Variants in MED13L observed in about 807,000 individuals in gnomAD.
The protein encoded by MED13L is mediator complex subunit 13L, also known as mediator of RNA polymerase II transcription subunit 13-like.
A neutral mutation model predicts 220.9 loss-of-function variants in MED13L; 7 were observed. The observed-to-expected ratio is 0.03, with a 90% CI of 0.02 to 0.06. The LOEUF (loss-of-function observed/expected upper bound fraction) is 0.06. MED13L is among the 10% of genes least tolerant of loss of function. The pLI is 1.00. For synonymous variants in MED13L, 1,011 were observed against 1,015.2 expected (o/e 1.00, Z 0.08); for missense variants, 1,965 against 2,760.5 (o/e 0.71, Z 6.46).
At chr12:116,211,967 TA>T (rs1882724999) in intron 2 of MED13L, among the ~76,000 whole-genome samples, 1 of 152,176 alleles carries the variant, frequency 6.6e-6, no homozygotes, top group Admixed American at 6.5e-5. Context: ...ACTATTAAAA[TA>T]AGTTGAAATA....
At chr12:116,186,859 T>C (rs1880935301) in intron 2 of MED13L, among the ~76,000 whole-genome samples, 1 of 152,292 alleles carries the variant, frequency 6.6e-6, no homozygotes, top group South Asian at 2.1e-4. Flanking sequence ...ACCACTGTTG[T>C]TCCTCTCAAC....
rs1187263695 is a variant in MED13L at position 116,004,856 on chromosome 12, C to A, written c.2469+1013G>T. 2.0e-5 allele frequency among the ~76,000 whole-genome samples: 3 copies of A among 152,042 alleles called. No individual in the cohort carries two copies. In the East Asian group the frequency reaches 5.8e-4, roughly 29 times the overall value. On this transcript the variant is annotated intron_variant, in intron 13 of 30. Transcript: ENST00000281928. ...AAAGTTTGGGCTTTAGAAATGTTTC[C>A]TACTTAACTTTCAAGCCTTAACTTA...
chr12:116,019,661 G>T lies in MED13L; in HGVS notation c.820+117C>A, dbSNP rs534196954. ...CTCAGTACATACCATTGTGTCAAGAGAATTTCTTTAAAAAGATGGGTATGG... is the reference window on the plus strand; with the variant it reads ...CTCAGTACATACCATTGTGTCAAGATAATTTCTTTAAAAAGATGGGTATGG... On this transcript the variant is annotated intron_variant, in intron 6 of 30. Transcript: ENST00000281928. 149 of 1,295,818 alleles carry T rather than the reference G, an allele frequency of 1.1e-4. No individual in the cohort carries two copies. In the African/African-American group the frequency reaches 1.8e-3, roughly 16 times the overall value. 80.3% of individuals were successfully genotyped at this position (1,295,818 alleles called of 1,614,324 possible).
At chr12:115,968,261 C>T (rs1245020553) in intron 28 of MED13L, among the ~76,000 whole-genome samples, 1 of 152,108 alleles carries the variant, frequency 6.6e-6, no homozygotes, top group Non-Finnish European at 1.5e-5. Flanking sequence ...AGCAAAGTTA[C>T]CACAAGCTGT....
chr12:116,060,461 C>T (rs1350756944), intron 4 of MED13L, among the ~76,000 whole-genome samples: 2 of 151,342 alleles, frequency 1.3e-5, no homozygotes, highest in African/African-American at 4.9e-5. Context: ...GCCTGTAGTC[C>T]CAGCTACTCG....
In MED13L at chr12:115,963,452, C is replaced by T. The variant is rs752014302; in HGVS notation, c.6455G>A (p.Arg2152Gln). The change falls in exon 30 of 31, where the codon CGG becomes CAG. Residue 2152 changes from arginine to glutamine, a missense_variant. Around this residue, in one of 10 missense-constraint regions of MED13L, gnomAD observed 145 missense variants for 328.3 expected, o/e 0.44. Coordinates refer to ENST00000281928, the MANE Select transcript of MED13L (RefSeq NM_015335.5). ...DELLPARNSQRVPHPLDSKTT... is the reference protein window; with the variant it reads ...DELLPARNSQQVPHPLDSKTT... Reference sequence around the variant, plus strand: ...TTTGGAGTCAAGAGGGTGTGGAACCCGCTGAGAATTCCTGGCAGGCAGAAG... The same window carrying T: ...TTTGGAGTCAAGAGGGTGTGGAACCTGCTGAGAATTCCTGGCAGGCAGAAG... 9.3e-6 allele frequency: 15 copies of T among 1,614,144 alleles called. No homozygotes were observed. The East Asian group carries it at 2.2e-4, about 24-fold the overall frequency.
At chr12:116,031,697 A>G (rs1880775016) in intron 4 of MED13L, among the ~76,000 whole-genome samples, 1 of 38,946 alleles carries the variant, frequency 2.6e-5, no homozygotes, top group Non-Finnish European at 6.1e-5. Context: ...AAAGAAAAGA[A>G]AAGAAAAGAA....
chr12:116,173,428 A>G (rs1879823063), intron 2 of MED13L, among the ~76,000 whole-genome samples: 1 of 152,178 alleles, frequency 6.6e-6, no homozygotes. Flanking sequence ...GGACATAGAT[A>G]GGACTTACTG....
At chr12:115,987,842 C>T (rs1877800012) in intron 17 of MED13L, among the ~76,000 whole-genome samples, 1 of 152,342 alleles carries the variant, frequency 6.6e-6, no homozygotes, top group African/African-American at 2.4e-5. Context: ...GGACCGAAGT[C>T]CGCTGCAGGC....
chr12:116,022,632 T>C, intron 4 of MED13L, 31 bp from the exon 5 acceptor site: 5 of 1,599,958 alleles, frequency 3.1e-6, no homozygotes, highest in Non-Finnish European at 4.3e-6. Flanking sequence ...AACTCAACTT[T>C]ATATTTTGGT....
intron 7 of MED13L, among the ~76,000 whole-genome samples, chr12:116,018,817 G>A (rs1879880870): frequency 6.6e-6 from 1 of 151,476 alleles, no homozygotes; most frequent in South Asian, 2.1e-4. Flanking sequence ...GTTGTTCAAG[G>A]CCTGTCCCTG....
At chr12:116,038,195 A>G (rs1260210729) in intron 4 of MED13L, among the ~76,000 whole-genome samples, 1 of 151,940 alleles carries the variant, frequency 6.6e-6, no homozygotes, top group Non-Finnish European at 1.5e-5. Flanking sequence ...TTAAATATAA[A>G]ACCTTTCATC....
intron 2 of MED13L, among the ~76,000 whole-genome samples, chr12:116,195,459 T>C (rs1025882538): frequency 1.3e-5 from 2 of 152,086 alleles, no homozygotes; most frequent in African/African-American, 4.8e-5. Context: ...ATGCTTAAAA[T>C]TTTTTTCTTT....
intron 2 of MED13L, among the ~76,000 whole-genome samples, chr12:116,147,536 C>A (rs78922018): frequency 4.5e-4 from 69 of 151,990 alleles, no homozygotes; most frequent in Non-Finnish European, 8.8e-4. Flanking sequence ...TATGTTCATA[C>A]ATATAAACAT....
At chr12:115,964,589 TTTTG>T (rs535559487) in intron 29 of MED13L, among the ~76,000 whole-genome samples, 62 of 152,360 alleles carry the variant, frequency 4.1e-4, no homozygotes, top group African/African-American at 1.3e-3. Context: ...ATGACTGATT[TTTTG>T]TTTGTTTTCC....
In MED13L at chr12:116,019,267, C is replaced by T; in HGVS notation, c.966G>A (p.Gly322=). 6.2e-7 allele frequency: 1 copy of T among 1,613,952 alleles called. No homozygotes were observed. Among genetic ancestry groups the T allele is most frequent in the Non-Finnish European group, 8.5e-7 (1 of 1,179,942 alleles). The change falls in exon 7 of 31, where the codon GGG becomes GGA. Residue 322 remains glycine (G), a synonymous_variant. Transcript: ENST00000281928. The stretch of plus-strand genomic sequence containing the variant: ...GAGAGGTGGGAGGGGTCAGAGGCAT[C>T]CCACAGTTACTTGGGTCCTTCACAC... ...LGSVKDPSNC[G]MPLTPPTSPE...
At chr12:116,191,409 C>T (rs1156758727) in intron 2 of MED13L, among the ~76,000 whole-genome samples, 1 of 152,074 alleles carries the variant, frequency 6.6e-6, no homozygotes, top group African/African-American at 2.4e-5. Flanking sequence ...TGGCTTACTG[C>T]AACCTCCACC....
intron 2 of MED13L, among the ~76,000 whole-genome samples, chr12:116,214,882 A>C (rs937457048): frequency 2.0e-5 from 3 of 152,308 alleles, no homozygotes; most frequent in African/African-American, 7.2e-5. Context: ...ACAGACATGC[A>C]CTTTCATTGG....
At chr12:116,090,342 G>A (rs992241369) in intron 4 of MED13L, among the ~76,000 whole-genome samples, 5 of 152,034 alleles carry the variant, frequency 3.3e-5, no homozygotes, top group Non-Finnish European at 7.4e-5. Context: ...TATGAGTATC[G>A]TTACTCAAGT....
Sources: gnomAD v4.1 joint callset for allele counts (sites outside exome capture counted in the v4.1 genomes callset) on GRCh38, gnomAD v4.1.1 for gene constraint, gnomAD v4.1.1 regional missense constraint, MANE v1.5 for transcripts, NCBI Gene and HGNC (gene_info 2026-07-23, HGNC 2026-07-21) for gene names.